The following MEIS1 variants were observed in gnomAD, a reference collection of about 807,000 sequenced individuals.
MEIS1 encodes Meis homeobox 1.
A neutral mutation model predicts 50.8 loss-of-function variants in MEIS1; 5 were observed. That is an observed-to-expected ratio of 0.10 (90% CI 0.05 to 0.21). The LOEUF is 0.21. MEIS1 is among the 10% of genes least tolerant of loss of function. MEIS1 has a pLI of 1.00. For missense variants in MEIS1, 318 were observed against 517.3 expected (o/e 0.61, Z 3.74); for synonymous variants, 176 against 179.3 (o/e 0.98, Z 0.15).
At position 66,562,038 on chromosome 2, in the gene MEIS1, ATTTTTTTTTTTTTTTTTTTT is replaced by A. The variant is rs60637070; in HGVS notation, c.966-5402_966-5383del. On this transcript the variant is annotated intron_variant, in intron 9 of 12. Coordinates refer to ENST00000272369, the MANE Select transcript of MEIS1 (RefSeq NM_002398.3). The stretch of plus-strand genomic sequence containing the variant: ...TGCTATTTCTGAAAGTGAGCAAGTA[ATTTTTTTTTTTTTTTTTTTT>A]TTTTTTTTTTTTACTTTTATCAGTA... The A allele has an allele frequency of 6.5e-5, 4 of 61,298 alleles. No homozygotes were observed. In the South Asian group the frequency reaches 3.0e-3, roughly 46 times the overall value. The allele number at this position is 61,298 out of a possible 1,614,324, so 3.8% of individuals were successfully genotyped here.
intron 7 of MEIS1, among the ~76,000 whole-genome samples, chr2:66,491,143 A>G (rs909614792): frequency 6.6e-6 from 1 of 152,206 alleles, no homozygotes; most frequent in Admixed American, 6.5e-5. Flanking sequence ...TTCAGGGCTC[A>G]AAGCACACAC....
intron 7 of MEIS1, among the ~76,000 whole-genome samples, chr2:66,467,197 G>T (rs1672659087): frequency 6.6e-6 from 1 of 152,170 alleles, no homozygotes; most frequent in Non-Finnish European, 1.5e-5. Context: ...TAGAGCTTCA[G>T]CAATTTGGGG....
At chr2:66,473,156 A>G (rs960382274) in intron 7 of MEIS1, among the ~76,000 whole-genome samples, 4 of 151,830 alleles carry the variant, frequency 2.6e-5, no homozygotes, top group Admixed American at 2.6e-4. Context: ...AGGTGGGCGG[A>G]TCACCTGAGG....
In MEIS1 at chr2:66,437,749, C is replaced by G; in HGVS notation, c.25C>G (p.Pro9Ala). The change falls in exon 2 of 13, where the codon CCC becomes GCC. Residue 9 changes from proline (P) to alanine (A), a missense_variant. Pro to Ala is a conservative substitution (Grantham distance 27). Coordinates refer to ENST00000272369, the MANE Select transcript of MEIS1 (RefSeq NM_002398.3). ...GTTTGTCATGCAGTACGACGATCTACCCCATTACGGGGGCATGGATGGAGT... is the reference window on the plus strand; with the variant it reads ...GTTTGTCATGCAGTACGACGATCTAGCCCATTACGGGGGCATGGATGGAGT... MAQRYDDL[P>A]HYGGMDGVGI... 1.9e-6 allele frequency: 3 copies of G among 1,613,896 alleles called. No individual in the cohort carries two copies. In the South Asian group the frequency reaches 3.3e-5, roughly 18 times the overall value.
intron 4 of MEIS1, 103 bp from the exon 5 acceptor site, chr2:66,441,311 T>A: frequency 1.1e-6 from 1 of 932,570 alleles, no homozygotes; most frequent in Non-Finnish European, 1.6e-6. Context: ...TCAAAATAAC[T>A]CTATTTACTG....
intron 8 of MEIS1, among the ~76,000 whole-genome samples, chr2:66,520,054 T>C (rs1674073958): frequency 6.6e-6 from 1 of 152,172 alleles, no homozygotes; most frequent in South Asian, 2.1e-4. Context: ...TGGGAAGTTT[T>C]TGGGATGTCC....
chr2:66,451,806 G>A (rs1325610540), intron 6 of MEIS1, among the ~76,000 whole-genome samples: 1 of 151,890 alleles, frequency 6.6e-6, no homozygotes, highest in Non-Finnish European at 1.5e-5. Flanking sequence ...TAGAGGTGGA[G>A]GAACAATTTT....
At chr2:66,531,996 C>G (rs981237260) in intron 8 of MEIS1, among the ~76,000 whole-genome samples, 1 of 151,684 alleles carries the variant, frequency 6.6e-6, no homozygotes, top group African/African-American at 2.4e-5. Context: ...TTGGGTGGAC[C>G]AGATGTCCTT....
intron 8 of MEIS1, among the ~76,000 whole-genome samples, chr2:66,541,485 A>G (rs1473908476): frequency 6.6e-6 from 1 of 152,170 alleles, no homozygotes; most frequent in Non-Finnish European, 1.5e-5. Flanking sequence ...TGTCATTTTC[A>G]TGTGCTAAGG....
chr2:66,508,411 C>G (rs1189529687), intron 7 of MEIS1, among the ~76,000 whole-genome samples: 1 of 152,140 alleles, frequency 6.6e-6, no homozygotes, highest in Non-Finnish European at 1.5e-5. Context: ...TTATAATGCC[C>G]GAGCCTGTGC....
chr2:66,479,288 A>T (rs766193318), intron 7 of MEIS1, among the ~76,000 whole-genome samples: 17 of 152,260 alleles, frequency 1.1e-4, no homozygotes, highest in Admixed American at 2.6e-4. Context: ...GTTTAAAGAA[A>T]ATGTTTTATT....
chr2:66,468,317 T>C (rs1247808947), intron 7 of MEIS1, among the ~76,000 whole-genome samples: 4 of 152,202 alleles, frequency 2.6e-5, no homozygotes, highest in South Asian at 4.1e-4. Flanking sequence ...AGATTTTTAC[T>C]GTTTCCCCAA....
At position 66,484,534 on chromosome 2, in the gene MEIS1, TTTTC is replaced by T. The variant is rs536092350; in HGVS notation, c.742+20334_742+20337del. 6.6e-4 allele frequency among the ~76,000 whole-genome samples: 100 copies of T among 152,122 alleles called. 1 individual carries two copies. Among genetic ancestry groups the T allele is most frequent in the South Asian group, 6.4e-3 (31 of 4,814 alleles). On this transcript the variant is annotated intron_variant, in intron 7 of 12. Coordinates refer to ENST00000272369, the MANE Select transcript of MEIS1 (RefSeq NM_002398.3). ...TCCCATTCCTTTTTTACAAAAGGAA[TTTTC>T]TTTCTTTCTTTCTTTCTTTTATTTA...
At chr2:66,530,316 C>A (rs1275169050) in intron 8 of MEIS1, among the ~76,000 whole-genome samples, 3 of 152,108 alleles carry the variant, frequency 2.0e-5, no homozygotes, top group Non-Finnish European at 1.5e-5. Flanking sequence ...TTTTAACAGG[C>A]ACATTTCATA....
chr2:66,476,318 A>C (rs1672890812), intron 7 of MEIS1, among the ~76,000 whole-genome samples: 1 of 152,226 alleles, frequency 6.6e-6, no homozygotes, highest in Non-Finnish European at 1.5e-5. Flanking sequence ...ACATCCCCTC[A>C]GGTAAAAGGA....
At chr2:66,477,938 C>T (rs921998089) in intron 7 of MEIS1, among the ~76,000 whole-genome samples, 2 of 152,138 alleles carry the variant, frequency 1.3e-5, no homozygotes, top group Non-Finnish European at 2.9e-5. Flanking sequence ...ACTCTGGTTA[C>T]GTTGACTTTT....
intron 1 of MEIS1, among the ~76,000 whole-genome samples, chr2:66,436,739 C>T (rs1211451274): frequency 6.6e-6 from 1 of 152,214 alleles, no homozygotes; most frequent in Admixed American, 6.5e-5. Flanking sequence ...GGCAATTCCT[C>T]CTTTCTTTGA....
chr2:66,547,930 T>A lies in MEIS1; in HGVS notation c.889-13T>A, dbSNP rs1558559570. On this transcript the variant is annotated splice_polypyrimidine_tract_variant and intron_variant, in intron 8 of 12. Transcript: ENST00000272369. ...TTGCCTGATGCACACGTATCTTTTTTATTCTCTTTCAGCACCCTTACCCTT... is the reference window on the plus strand; with the variant it reads ...TTGCCTGATGCACACGTATCTTTTTAATTCTCTTTCAGCACCCTTACCCTT... The A allele has an allele frequency of 2.5e-6, 4 of 1,612,900 alleles. No individual in the cohort carries two copies. Among genetic ancestry groups the A allele is most frequent in the Non-Finnish European group, 3.4e-6 (4 of 1,179,108 alleles).
chr2:66,541,877 A>G (rs547611112), intron 8 of MEIS1, among the ~76,000 whole-genome samples: 1 of 152,260 alleles, frequency 6.6e-6, no homozygotes, highest in Non-Finnish European at 1.5e-5. Flanking sequence ...TAGGAGGCAC[A>G]AAGTGTCTCT....
Sources: gnomAD v4.1 joint callset for allele counts (sites outside exome capture counted in the v4.1 genomes callset) on GRCh38, gnomAD v4.1.1 for gene constraint, MANE v1.5 for transcripts, NCBI Gene and HGNC (gene_info 2026-07-23, HGNC 2026-07-21) for gene names.